The following SLC4A10 variants were observed in gnomAD, a reference collection of about 807,000 sequenced individuals.
The protein encoded by SLC4A10 is solute carrier family 4 member 10, also known as sodium-driven chloride bicarbonate exchanger.
In SLC4A10, 42 loss-of-function variants were observed where a neutral mutation model predicts 137.7. The ratio of observed to expected loss-of-function variants is 0.30; its 90% CI spans 0.24 to 0.39. The LOEUF (loss-of-function observed/expected upper bound fraction) is 0.39, where lower values mean the gene tolerates loss of function less well. Ranked by LOEUF, SLC4A10 falls within the 10% of genes least tolerant of loss-of-function variation. The pLI is 1.00. For missense variants in SLC4A10, 925 were observed against 1,355.0 expected, an observed-to-expected ratio of 0.68 and a Z score of 4.98; for synonymous variants, 474 against 464.1, an observed-to-expected ratio of 1.02 and a Z score of -0.27.
chr2:161,866,591 A>G (rs1185147094), intron 6 of SLC4A10, among the ~76,000 whole-genome samples: 3 of 152,004 alleles, frequency 2.0e-5, no homozygotes, highest in African/African-American at 7.2e-5. Context: ...TGGCAAAACA[A>G]CAGCAAAAAT....
At position 161,879,219 on chromosome 2, in the gene SLC4A10, T is replaced by C; in HGVS notation, c.1037T>C (p.Val346Ala). The C allele has an allele frequency of 6.2e-7, 1 of 1,613,422 alleles. No homozygotes were observed. Among genetic ancestry groups the C allele is most frequent in the Non-Finnish European group, 8.5e-7 (1 of 1,179,470 alleles). The stretch of plus-strand genomic sequence containing the variant: ...GAACTGGAGTTCTTGGATCGAACAG[T>C]AGTTGCGTTTGTCAGGTTGTCTCCA... ...VGELEFLDRT[V>A]VAFVRLSPAV... is the part of the protein sequence containing the mutation. Residue 346 changes from valine to alanine, a missense_variant, in exon 9 of 27, where the codon GTA (valine) becomes GCA (alanine). Physicochemically the swap from Val to Ala is moderately conservative, Grantham distance 64. Transcript: ENST00000446997.
rs1266144629 is a variant in SLC4A10, at chr2:161,624,482, GCAGAGCAAGGTGCT to G, written c.-36_-23del. On this transcript the variant is annotated 5_prime_UTR_variant, in exon 1 of 27. Transcript: ENST00000446997. ...CTGAGTGTAAGACACTGAAGACACT[GCAGAGCAAGGTGCT>G]TATTCCAGAGGCGTTACAAAACATG... 6.4e-7 allele frequency: 1 copy of G among 1,551,638 alleles called. No individual in the cohort carries two copies. The highest frequency in any genetic ancestry group is 1.4e-5 in the African/African-American group (1 of 73,034).
chr2:161,983,069 C>A, intron 26 of SLC4A10, 110 bp from the exon 27 acceptor site: 2 of 887,338 alleles, frequency 2.3e-6, no homozygotes, highest in Non-Finnish European at 3.4e-6. Flanking sequence ...GCAATGCCTA[C>A]GGGCTCTTGT....
intron 8 of SLC4A10, among the ~76,000 whole-genome samples, chr2:161,875,518 G>T (rs773895793): frequency 1.3e-5 from 2 of 152,178 alleles, no homozygotes; most frequent in African/African-American, 2.4e-5. Flanking sequence ...CTTAAGGAAT[G>T]ATTAGGAAAA....
chr2:161,859,253 C>G (rs574158364), intron 5 of SLC4A10, among the ~76,000 whole-genome samples: 1 of 150,444 alleles, frequency 6.6e-6, no homozygotes, highest in Non-Finnish European at 1.5e-5. Flanking sequence ...TTTTCTGAGG[C>G]CTTTTTCCAC....
chr2:161,807,501 T>C (rs1281255488), intron 3 of SLC4A10, among the ~76,000 whole-genome samples: 1 of 152,126 alleles, frequency 6.6e-6, no homozygotes, highest in Non-Finnish European at 1.5e-5. Context: ...TTTATCTTTC[T>C]GTCTGACCAC....
chr2:161,687,067 GAC>G (rs1291277063), intron 1 of SLC4A10, among the ~76,000 whole-genome samples: 10 of 152,016 alleles, frequency 6.6e-5, no homozygotes, highest in Non-Finnish European at 1.0e-4. Flanking sequence ...ATTTTTAGGA[GAC>G]ACAGGGTTTT....
chr2:161,670,461 G>A (rs12467042), intron 1 of SLC4A10, among the ~76,000 whole-genome samples: 12,450 of 151,904 alleles, frequency 0.082, 580 homozygotes, highest in East Asian at 0.14. Context: ...TGAGGCAAGG[G>A]TATTAGAATT....
chr2:161,933,149 T>TTTCTTC (rs1690744180), intron 15 of SLC4A10, among the ~76,000 whole-genome samples: 6 of 148,318 alleles, frequency 4.0e-5, no homozygotes, highest in African/African-American at 1.5e-4. Flanking sequence ...CTTTTCTTCT[T>TTTCTTC]TCTTTCCTCT....
chr2:161,654,174 T>A (rs2037196128), intron 1 of SLC4A10, among the ~76,000 whole-genome samples: 1 of 152,240 alleles, frequency 6.6e-6, no homozygotes, highest in African/African-American at 2.4e-5. Flanking sequence ...CATTTGTATG[T>A]CTTCTTTGGA....
intron 5 of SLC4A10, among the ~76,000 whole-genome samples, chr2:161,860,371 C>A (rs1227932): frequency 0.6 from 90,406 of 151,864 alleles, 27,063 homozygotes; most frequent in East Asian, 0.85. Flanking sequence ...AATTAAAAAT[C>A]ATAAACATAT....
intron 10 of SLC4A10, among the ~76,000 whole-genome samples, chr2:161,893,109 C>T (rs574741885): frequency 6.6e-6 from 1 of 152,008 alleles, no homozygotes; most frequent in East Asian, 1.9e-4. Context: ...CTCATAACTT[C>T]CATTCAAAAC....
chr2:161,742,510 G>A (rs1044294429), intron 1 of SLC4A10, among the ~76,000 whole-genome samples: 8 of 136,496 alleles, frequency 5.9e-5, no homozygotes, highest in Admixed American at 4.9e-4. Flanking sequence ...CGCTGATTTC[G>A]GCTCACTGCA....
intron 3 of SLC4A10, among the ~76,000 whole-genome samples, chr2:161,839,536 A>T (rs547778037): frequency 2.0e-5 from 3 of 152,040 alleles, no homozygotes; most frequent in African/African-American, 7.2e-5. Flanking sequence ...TTTATTTATT[A>T]TTTATTATAT....
intron 2 of SLC4A10, among the ~76,000 whole-genome samples, chr2:161,794,092 A>G (rs1260170090): frequency 1.3e-5 from 2 of 152,134 alleles, no homozygotes; most frequent in Non-Finnish European, 2.9e-5. Context: ...TATTTTTCTC[A>G]TGCTACTGCA....
chr2:161,738,036 A>T (rs1365362750), intron 1 of SLC4A10, among the ~76,000 whole-genome samples: 1 of 152,104 alleles, frequency 6.6e-6, no homozygotes, highest in Non-Finnish European at 1.5e-5. Flanking sequence ...CTGATCCTGG[A>T]TCCAGACCAG....
At chr2:161,724,132 C>A (rs1445222540) in intron 1 of SLC4A10, among the ~76,000 whole-genome samples, 1 of 152,154 alleles carries the variant, frequency 6.6e-6, no homozygotes, top group East Asian at 1.9e-4. Flanking sequence ...TCTTTTCTTT[C>A]TCTTCACCTG....
chr2:161,648,360 C>A (rs2036344754), intron 1 of SLC4A10, among the ~76,000 whole-genome samples: 2 of 152,154 alleles, frequency 1.3e-5, no homozygotes, highest in Non-Finnish European at 2.9e-5. Flanking sequence ...ACAGTATATG[C>A]TATTGAGTGT....
At chr2:161,951,790 T>C (rs921520859) in intron 19 of SLC4A10, among the ~76,000 whole-genome samples, 2 of 152,102 alleles carry the variant, frequency 1.3e-5, no homozygotes, top group Non-Finnish European at 2.9e-5. Flanking sequence ...GCAAAAGTAA[T>C]TGCAGTTTTT....
Sources: allele counts gnomAD v4.1 joint callset (sites outside exome capture counted in the v4.1 genomes callset), GRCh38; gene constraint gnomAD v4.1.1; transcripts MANE v1.5; gene names NCBI Gene and HGNC (gene_info 2026-07-23, HGNC 2026-07-21).